DGKG: variants seen among roughly 807,000 people sequenced by gnomAD.
The protein encoded by DGKG is DAG kinase gamma.
A neutral mutation model predicts 105.3 loss-of-function variants in DGKG; 78 were observed. That is an observed-to-expected ratio of 0.74 (90% CI 0.62 to 0.89). The LOEUF is 0.89. Among genes scored for constraint, DGKG ranks in the 40% least tolerant of loss-of-function variants. The probability of loss-of-function intolerance (pLI) is 0.00; values close to 1 mark genes in which losing one functional copy is unlikely to be tolerated. For missense variants in DGKG, 958 were observed against 1,020.1 expected (o/e 0.94, Z 0.83); for synonymous variants, 346 against 367.1 (o/e 0.94, Z 0.66).
chr3:186,175,585 C>T (rs1160320850), intron 22 of DGKG, among the ~76,000 whole-genome samples: 1 of 152,130 alleles, frequency 6.6e-6, no homozygotes, highest in Non-Finnish European at 1.5e-5. Flanking sequence ...TGACAGGAGC[C>T]TGCCTCTAAG....
chr3:186,246,830 C>G (rs1045937115), intron 19 of DGKG, among the ~76,000 whole-genome samples: 1 of 152,314 alleles, frequency 6.6e-6, no homozygotes, highest in African/African-American at 2.4e-5. Context: ...GTGCGTGGGT[C>G]AGTGCAACCA....
At chr3:186,312,081 AGT>A (rs2108631548) in intron 2 of DGKG, among the ~76,000 whole-genome samples, 2 of 104,500 alleles carry the variant, frequency 1.9e-5, no homozygotes, top group Non-Finnish European at 3.3e-5. Context: ...GCGCCACTGC[AGT>A]CCGCAGTCCG....
intron 11 of DGKG, 85 bp from the exon 12 acceptor site, chr3:186,269,002 G>A: frequency 3.3e-6 from 3 of 896,114 alleles, no homozygotes; most frequent in Non-Finnish European, 3.6e-6. Flanking sequence ...GATCTGGGAG[G>A]GGACGCGGGG....
chr3:186,300,943 A>G (rs1439727167), intron 3 of DGKG, among the ~76,000 whole-genome samples: 1 of 152,186 alleles, frequency 6.6e-6, no homozygotes, highest in Non-Finnish European at 1.5e-5. Context: ...CAAGTTCTAA[A>G]CTTCAATTAG....
At chr3:186,150,866 G>T (rs1054694138) in intron 24 of DGKG, among the ~76,000 whole-genome samples, 2 of 152,010 alleles carry the variant, frequency 1.3e-5, no homozygotes, top group Non-Finnish European at 2.9e-5. Context: ...TCTCATTTTT[G>T]CCTTTATTCC....
At chr3:186,213,750 T>G (rs972566286) in intron 20 of DGKG, among the ~76,000 whole-genome samples, 1 of 152,162 alleles carries the variant, frequency 6.6e-6, no homozygotes, top group Non-Finnish European at 1.5e-5. Flanking sequence ...ATTGTGCATT[T>G]TTATGTGTGT....
At chr3:186,282,361 G>A (rs1366002922) in intron 7 of DGKG, among the ~76,000 whole-genome samples, 1 of 152,232 alleles carries the variant, frequency 6.6e-6, no homozygotes, top group Non-Finnish European at 1.5e-5. Flanking sequence ...CAGGGATTCC[G>A]GTGAAAGGTT....
Position 186,358,421 on chromosome 3 carries a change from A to G in DGKG, c.-249+3525T>C, listed in dbSNP as rs1171927271. Among the ~76,000 whole-genome samples, 4 of 152,312 alleles carry G rather than the reference A, an allele frequency of 2.6e-5. No individual in the cohort carries two copies. In the East Asian group the frequency reaches 7.7e-4, roughly 29 times the overall value. On this transcript the variant is annotated intron_variant, in intron 1 of 24. Coordinates refer to ENST00000265022, the MANE Select transcript of DGKG (RefSeq NM_001346.3). ...ATTATATTCCAGGGCTACTAAACCCACTGCTGGTGGCAGAGGTGGCTTGGA... is the reference window on the plus strand; with the variant it reads ...ATTATATTCCAGGGCTACTAAACCCGCTGCTGGTGGCAGAGGTGGCTTGGA...
chr3:186,177,838 C>T (rs1717158494), intron 22 of DGKG, among the ~76,000 whole-genome samples: 1 of 152,128 alleles, frequency 6.6e-6, no homozygotes. Context: ...AATAATAGCC[C>T]AACACATATT....
chr3:186,189,855 C>T (rs1158889781), intron 21 of DGKG, among the ~76,000 whole-genome samples: 8 of 152,138 alleles, frequency 5.3e-5, no homozygotes, highest in Non-Finnish European at 1.5e-5. Flanking sequence ...CTCTCTCACT[C>T]TTGTTTCCAC....
At chr3:186,191,666 C>A (rs753806340) in intron 21 of DGKG, among the ~76,000 whole-genome samples, 2 of 152,212 alleles carry the variant, frequency 1.3e-5, no homozygotes, top group Non-Finnish European at 2.9e-5. Flanking sequence ...TGTTCTTTTT[C>A]ACTTCAAACG....
intron 1 of DGKG, among the ~76,000 whole-genome samples, chr3:186,330,856 C>T (rs780681489): frequency 1.3e-5 from 2 of 152,188 alleles, no homozygotes; most frequent in Non-Finnish European, 2.9e-5. Flanking sequence ...TCCCAATGCA[C>T]AGAAACACAT....
At chr3:186,299,767 C>CTTTCTTTCTTTCTTTCTTTCTT (rs1291713917) in intron 3 of DGKG, among the ~76,000 whole-genome samples, 1 of 95,474 alleles carries the variant, frequency 1.0e-5, no homozygotes, top group African/African-American at 4.0e-5. Context: ...TTCTTCTTTT[C>CTTTCTTTCTTTCTTTCTTTCTT]TCTTTCTTTC....
intron 1 of DGKG, among the ~76,000 whole-genome samples, chr3:186,327,355 T>A (rs1408294484): frequency 6.6e-6 from 1 of 150,488 alleles, no homozygotes; most frequent in Admixed American, 6.7e-5. Context: ...CTCCTTCTCC[T>A]CCTCCTCCTC....
At chr3:186,330,439 G>A (rs150860884) in intron 1 of DGKG, among the ~76,000 whole-genome samples, 32 of 152,186 alleles carry the variant, frequency 2.1e-4, no homozygotes, top group African/African-American at 6.3e-4. Flanking sequence ...CCTTGAGTCC[G>A]GGCTGCACCT....
intron 1 of DGKG, among the ~76,000 whole-genome samples, chr3:186,335,135 G>A (rs769693741): frequency 2.6e-5 from 4 of 152,066 alleles, no homozygotes; most frequent in Non-Finnish European, 4.4e-5. Flanking sequence ...GCAGTGGCGC[G>A]ATCTCAGCTC....
chr3:186,344,089 A>C (rs1037409241), intron 1 of DGKG, among the ~76,000 whole-genome samples: 3 of 152,226 alleles, frequency 2.0e-5, no homozygotes, highest in Non-Finnish European at 4.4e-5. Context: ...ACCAAAACAG[A>C]TGCTAGTAAG....
At chr3:186,270,318 C>G (rs1428063824) in intron 11 of DGKG, among the ~76,000 whole-genome samples, 1 of 152,168 alleles carries the variant, frequency 6.6e-6, no homozygotes, top group Admixed American at 6.5e-5. Context: ...TTTGTAAAGA[C>G]AGGATCTCAC....
At chr3:186,302,512 GTGTA>G (rs1342127136) in intron 3 of DGKG, among the ~76,000 whole-genome samples, 3,346 of 15,052 alleles carry the variant, frequency 0.22, 108 homozygotes, top group Non-Finnish European at 0.26. Context: ...ATATACATAT[GTGTA>G]TATATATATA....
Sources: gnomAD v4.1 joint callset for allele counts (sites outside exome capture counted in the v4.1 genomes callset) on GRCh38, gnomAD v4.1.1 for gene constraint, MANE v1.5 for transcripts, NCBI Gene and HGNC (gene_info 2026-07-23, HGNC 2026-07-21) for gene names.